The following TBC1D9 variants were observed in gnomAD, a reference collection of about 807,000 sequenced individuals.
TBC1D9 encodes TBC1 domain family member 9.
Under a neutral mutation model 132.0 loss-of-function variants are expected in TBC1D9, and 63 were observed. The ratio of observed to expected loss-of-function variants is 0.48; its 90% CI spans 0.39 to 0.59. The LOEUF is 0.59. Ranked by LOEUF, TBC1D9 falls within the 20% of genes least tolerant of loss-of-function variation. The pLI is 0.00. For missense variants in TBC1D9, 1,261 were observed against 1,592.7 expected, an observed-to-expected ratio of 0.79 and a Z score of 3.54; for synonymous variants, 610 against 609.9, an observed-to-expected ratio of 1.00 and a Z score of 0.00.
At chr4:140,647,627 A>G (rs531100017) in intron 13 of TBC1D9, among the ~76,000 whole-genome samples, 10 of 152,210 alleles carry the variant, frequency 6.6e-5, no homozygotes, top group Non-Finnish European at 1.5e-4. Flanking sequence ...GCAGGGTGCC[A>G]AGCAAAAGAG....
chr4:140,656,809 G>C (rs1737278296), intron 13 of TBC1D9, among the ~76,000 whole-genome samples: 1 of 152,098 alleles, frequency 6.6e-6, no homozygotes, highest in African/African-American at 2.4e-5. Flanking sequence ...TGGATTAATG[G>C]CACTATAAAA....
intron 1 of TBC1D9, among the ~76,000 whole-genome samples, chr4:140,708,387 T>TA (rs1371820739): frequency 1.3e-5 from 2 of 152,250 alleles, no homozygotes; most frequent in East Asian, 3.8e-4. Context: ...TGTTACTTTT[T>TA]AATCAGTATT....
chr4:140,628,242 A>G, intron 17 of TBC1D9, 58 bp downstream of exon 17: 1 of 1,519,506 alleles, frequency 6.6e-7, no homozygotes, highest in Non-Finnish European at 9.1e-7. Context: ...CCTAAAACAG[A>G]GACTTCAAGC....
chr4:140,633,246 G>T (rs1736826714), intron 16 of TBC1D9, among the ~76,000 whole-genome samples: 1 of 152,136 alleles, frequency 6.6e-6, no homozygotes, highest in Admixed American at 6.5e-5. Flanking sequence ...CCTCATTCTG[G>T]CATAATGCCT....
At chr4:140,732,914 C>T (rs1174981963) in intron 1 of TBC1D9, among the ~76,000 whole-genome samples, 1 of 152,128 alleles carries the variant, frequency 6.6e-6, no homozygotes, top group Non-Finnish European at 1.5e-5. Context: ...TGACACTGTA[C>T]AATACAATCG....
intron 13 of TBC1D9, among the ~76,000 whole-genome samples, chr4:140,652,750 C>T (rs1737206695): frequency 6.6e-6 from 1 of 152,238 alleles, no homozygotes; most frequent in Non-Finnish European, 1.5e-5. Flanking sequence ...ACATGGCAGG[C>T]TCTCGATGAG....
intron 1 of TBC1D9, among the ~76,000 whole-genome samples, chr4:140,723,815 T>C (rs1738459063): frequency 1.3e-5 from 2 of 152,138 alleles, no homozygotes; most frequent in African/African-American, 4.8e-5. Flanking sequence ...CTGGAGTGTG[T>C]GGTGTGATCA....
intron 1 of TBC1D9, among the ~76,000 whole-genome samples, chr4:140,743,854 T>A (rs1166678621): frequency 6.6e-6 from 1 of 152,226 alleles, no homozygotes; most frequent in Admixed American, 6.5e-5. Flanking sequence ...AGAAAGGATA[T>A]GCAGTGTCCC....
At position 140,686,644 on chromosome 4, in the gene TBC1D9, C is replaced by T. The variant is rs139983084; in HGVS notation, c.242-182G>A. 1.6e-4 allele frequency among the ~76,000 whole-genome samples: 24 copies of T among 152,220 alleles called. No homozygotes were observed. In the East Asian group the frequency reaches 3.3e-3, roughly 21 times the overall value. On this transcript the variant is annotated intron_variant, in intron 2 of 20. Coordinates refer to ENST00000442267, the MANE Select transcript of TBC1D9 (RefSeq NM_015130.3). ...CACAAGACATTTAAGGATGTGGAAA[C>T]GCAAGAGTAATATTATAATCAAGTT...
chr4:140,622,773 C>T lies in TBC1D9; in HGVS notation c.3223G>A (p.Ala1075Thr), dbSNP rs747811519. 2 of 1,603,842 alleles carry T rather than the reference C, an allele frequency of 1.2e-6. No individual in the cohort carries two copies. The highest frequency in any genetic ancestry group is 2.7e-5 in the African/African-American group (2 of 74,928). Residue 1075 changes from alanine (A) to threonine (T), a missense_variant, in exon 21 of 21, where the codon GCA (alanine) becomes ACA (threonine). Transcript: ENST00000442267. The stretch of plus-strand genomic sequence containing the variant: ...CTGCCTCCGCTCCCGCCCTCCTTTG[C>T]AGGCTGGGCCACGAACAACTTGCCG... ...EVGKLFVAQP[A>T]KEGGSGGSGP... is the part of the protein sequence containing the mutation.
At chr4:140,642,931 T>C in intron 13 of TBC1D9, 1 of 610,200 alleles carries the variant, frequency 1.6e-6, no homozygotes, top group Non-Finnish European at 2.8e-6. Flanking sequence ...CGCTGCAGCT[T>C]CACCAGCTCA....
chr4:140,684,273 C>T (rs909243082), intron 3 of TBC1D9, among the ~76,000 whole-genome samples: 2 of 151,024 alleles, frequency 1.3e-5, no homozygotes, highest in African/African-American at 4.9e-5. Context: ...AAAGGGAGGT[C>T]TGGTAAGAAA....
chr4:140,746,374 A>G (rs1382077320), intron 1 of TBC1D9, among the ~76,000 whole-genome samples: 1 of 152,142 alleles, frequency 6.6e-6, no homozygotes. Flanking sequence ...CTAAAATTGC[A>G]TGCAATTTTT....
Position 140,679,196 on chromosome 4 carries a change from C to T in TBC1D9, c.597G>A (p.Leu199=), listed in dbSNP as rs945711048. ...YSFLMGREAK[L]VIRWVDITQL... Reference sequence around the variant, plus strand: ...GAGTGATGTCTACCCACCGGATGACCAGTTTCGCTGAGCACAAGGAACAAG... The same window carrying T: ...GAGTGATGTCTACCCACCGGATGACTAGTTTCGCTGAGCACAAGGAACAAG... Residue 199 remains leucine (L), a synonymous_variant, in exon 5 of 21, where the codon CTG becomes CTA. Coordinates refer to ENST00000442267, the MANE Select transcript of TBC1D9 (RefSeq NM_015130.3). The T allele has an allele frequency of 1.9e-6, 3 of 1,612,506 alleles. No individual in the cohort carries two copies.
In TBC1D9 at chr4:140,657,224, T is replaced by A; in HGVS notation, c.2210A>T (p.Tyr737Phe). The A allele has an allele frequency of 1.2e-6, 2 of 1,613,152 alleles. No individual in the cohort carries two copies. The highest frequency in any genetic ancestry group is 1.7e-6 in the Non-Finnish European group (2 of 1,179,654). ...GTCTTTATTGGTCACACTGTCTAAA[T>A]ACCTGGAAGAAGAATGCATCAGAAG... The part of the protein sequence containing the change: ...DGEAMTVLGR[Y>F]LDSVTNKDST... The change falls in exon 13 of 21, where the codon TAT (tyrosine) becomes TTT (phenylalanine). Residue 737 changes from tyrosine (Y) to phenylalanine (F), a missense_variant and splice_region_variant. Physicochemically the swap from Tyr to Phe is conservative, Grantham distance 22 (BLOSUM62 3). Around this residue, in one of 3 missense-constraint regions of TBC1D9, gnomAD observed 618 missense variants for 724.4 expected, o/e 0.85. Coordinates refer to ENST00000442267, the MANE Select transcript of TBC1D9 (RefSeq NM_015130.3).
At chr4:140,668,884 T>C (rs1260062699) in intron 9 of TBC1D9, 33 bp downstream of exon 9, 16 of 1,610,086 alleles carry the variant, frequency 9.9e-6, no homozygotes, top group African/African-American at 1.3e-5. Flanking sequence ...CCCACAGACT[T>C]TGACGCCAGC....
At chr4:140,675,749 T>C (rs779214033) in intron 6 of TBC1D9, among the ~76,000 whole-genome samples, 1 of 152,192 alleles carries the variant, frequency 6.6e-6, no homozygotes, top group African/African-American at 2.4e-5. Context: ...AGCAGCAGCA[T>C]GATGGTTCTA....
In TBC1D9 at chr4:140,622,412, C is replaced by T. The variant is rs924741414; in HGVS notation, c.3584G>A (p.Gly1195Asp). Residue 1195 changes from glycine to aspartate, a missense_variant, in exon 21 of 21, where the codon GGC (glycine) becomes GAC (aspartate). By Grantham distance (94) the Gly-to-Asp change is moderately conservative. This residue lies in a region of TBC1D9 where 618 missense variants were observed against 724.4 expected (regional missense o/e 0.85). Transcript: ENST00000442267. ...EDTVLVRSGQGTAALPRSTSL... is the reference protein window; with the variant it reads ...EDTVLVRSGQDTAALPRSTSL... ...GGTGCTCCGGGGCAGTGCCGCCGTG[C>T]CCTGGCCGCTCCGCACCAGGACCGT... is the stretch of plus-strand genomic sequence containing the variant. The T allele has an allele frequency of 1.9e-6, 3 of 1,613,332 alleles. No individual in the cohort carries two copies. Among genetic ancestry groups the T allele is most frequent in the African/African-American group, 1.3e-5 (1 of 75,038 alleles).
intron 18 of TBC1D9, among the ~76,000 whole-genome samples, chr4:140,626,508 T>G (rs1736711755): frequency 6.6e-6 from 1 of 152,198 alleles, no homozygotes; most frequent in African/African-American, 2.4e-5. Flanking sequence ...TGTGCTTATT[T>G]GGGGATGGCA....
Sources: gnomAD v4.1 joint callset for allele counts (sites outside exome capture counted in the v4.1 genomes callset) on GRCh38, gnomAD v4.1.1 for gene constraint, gnomAD v4.1.1 regional missense constraint, MANE v1.5 for transcripts, NCBI Gene and HGNC (gene_info 2026-07-23, HGNC 2026-07-21) for gene names.